Variants in CNGA3 observed in about 807,000 individuals in gnomAD.
CNGA3 encodes the protein cyclic nucleotide gated channel subunit alpha 3, also known as cyclic nucleotide-gated channel alpha-3.
CNGA3 carries 42 observed loss-of-function variants against 46.6 expected under a neutral mutation model. That is an observed-to-expected ratio of 0.90 (90% confidence interval 0.70 to 1.17). The LOEUF (loss-of-function observed/expected upper bound fraction) is 1.17, where lower values mean the gene tolerates loss of function less well. Ranked by LOEUF, CNGA3 falls within the 50% of genes most tolerant of loss-of-function variation. CNGA3 has a pLI of 0.00. For missense variants in CNGA3, 893 were observed against 890.7 expected (o/e 1.00, Z -0.03); for synonymous variants, 394 against 369.4 (o/e 1.07, Z -0.76).
chr2:98,359,582 C>T (rs1691976076), intron 1 of CNGA3, among the ~76,000 whole-genome samples: 1 of 152,180 alleles, frequency 6.6e-6, no homozygotes, highest in Admixed American at 6.5e-5. Flanking sequence ...TACTCAGGCC[C>T]CTTGGAGTTG....
At chr2:98,395,252 C>A in intron 7 of CNGA3, among the ~76,000 whole-genome samples, 1 of 152,152 alleles carries the variant, frequency 6.6e-6, no homozygotes, top group Admixed American at 6.5e-5. Flanking sequence ...TCATTGCACC[C>A]TCCACCTCCT....
chr2:98,356,243 G>A (rs1691877312), intron 1 of CNGA3, among the ~76,000 whole-genome samples: 1 of 152,222 alleles, frequency 6.6e-6, no homozygotes, highest in African/African-American at 2.4e-5. Flanking sequence ...AGCCTGCCCA[G>A]CCTCACATTT....
chr2:98,381,520 G>C (rs1692537314), intron 4 of CNGA3, among the ~76,000 whole-genome samples: 1 of 152,058 alleles, frequency 6.6e-6, no homozygotes, highest in South Asian at 2.1e-4. Flanking sequence ...TATTTGTATG[G>C]GGAGTGGCAG....
chr2:98,378,267 T>G, intron 3 of CNGA3: 1 of 1,514,562 alleles, frequency 6.6e-7, no homozygotes, highest in Non-Finnish European at 8.9e-7. Context: ...TTAGTGAGAC[T>G]CCAAGCTCTG....
intron 1 of CNGA3, among the ~76,000 whole-genome samples, chr2:98,363,216 G>A (rs1331806336): frequency 1.3e-5 from 2 of 152,172 alleles, no homozygotes; most frequent in African/African-American, 4.8e-5. Context: ...AATGGGAATA[G>A]CATTGAATCT....
At chr2:98,377,625 C>A in intron 2 of CNGA3, 62 bp from the exon 3 acceptor site, 2 of 1,438,940 alleles carry the variant, frequency 1.4e-6, no homozygotes, top group Non-Finnish European at 9.6e-7. Flanking sequence ...TCACTCCTGG[C>A]TGTGTCCAGG....
chr2:98,389,572 C>A (rs1692735329), intron 5 of CNGA3, 86 bp from the exon 6 acceptor site: 2 of 1,187,028 alleles, frequency 1.7e-6, no homozygotes, highest in Non-Finnish European at 2.5e-6. Context: ...TGGGCTTCAG[C>A]CTGAAATTGC....
intron 1 of CNGA3, among the ~76,000 whole-genome samples, chr2:98,358,076 A>G (rs139004367): frequency 6.6e-6 from 1 of 152,338 alleles, no homozygotes; most frequent in African/African-American, 2.4e-5. Flanking sequence ...GGCAGCTTTC[A>G]TTGTCCACAG....
intron 7 of CNGA3, 139 bp from the exon 8 acceptor site, chr2:98,395,701 GGTAA>G (rs879325268): frequency 4.7e-5 from 33 of 699,658 alleles, no homozygotes; most frequent in Non-Finnish European, 6.9e-5. Context: ...CTGTAGTAAT[GGTAA>G]GTGTTGTTTT....
rs1170772553 is a variant in CNGA3, at chr2:98,396,601, G to A, written c.1431G>A (p.Leu477=). The A allele has an allele frequency of 3.1e-6, 5 of 1,613,946 alleles. No homozygotes were observed. The highest frequency in any genetic ancestry group is 4.2e-6 in the Non-Finnish European group (5 of 1,179,976). ...EIAINVHLDT[L]KKVRIFQDCE... The stretch of plus-strand genomic sequence containing the variant: ...CCATCAACGTGCACCTGGACACGCT[G>A]AAGAAGGTTCGCATCTTCCAGGACT... The change falls in exon 8 of 8, where the codon CTG becomes CTA. Residue 477 remains leucine, a synonymous_variant. Transcript: ENST00000272602.
chr2:98,385,054 T>C (rs541374217), intron 5 of CNGA3, among the ~76,000 whole-genome samples: 1 of 152,214 alleles, frequency 6.6e-6, no homozygotes, highest in Non-Finnish European at 1.5e-5. Flanking sequence ...CATTTTGCAG[T>C]TCTGTGTAGG....
chr2:98,360,780 C>A (rs1692013866), intron 1 of CNGA3, among the ~76,000 whole-genome samples: 1 of 152,132 alleles, frequency 6.6e-6, no homozygotes, highest in Non-Finnish European at 1.5e-5. Flanking sequence ...GGCTTCTGGA[C>A]CTCACACGTT....
chr2:98,364,724 T>C (rs759668813), intron 1 of CNGA3, among the ~76,000 whole-genome samples: 1 of 152,210 alleles, frequency 6.6e-6, no homozygotes, highest in African/African-American at 2.4e-5. Context: ...GGTCTTTGTA[T>C]TTCAGTCTGT....
At chr2:98,361,021 A>AT (rs1351760695) in intron 1 of CNGA3, among the ~76,000 whole-genome samples, 1 of 107,144 alleles carries the variant, frequency 9.3e-6, no homozygotes, top group East Asian at 1.9e-4. Flanking sequence ...ATTTTATTTT[A>AT]TTTATTTTAT....
intron 3 of CNGA3, among the ~76,000 whole-genome samples, chr2:98,378,732 T>C (rs1039617147): frequency 2.0e-5 from 3 of 152,194 alleles, no homozygotes; most frequent in Non-Finnish European, 4.4e-5. Context: ...TTAAATCAGC[T>C]CTGTAGGGCT....
At position 98,353,715 on chromosome 2, in the gene CNGA3, T is replaced by A. The variant is rs375947037; in HGVS notation, c.-38+7181T>A. 1.1e-3 allele frequency among the ~76,000 whole-genome samples: 168 copies of A among 152,316 alleles called. 1 individual carries two copies. Among genetic ancestry groups the A allele is most frequent in the African/African-American group, 3.9e-3 (162 of 41,564 alleles). On this transcript the variant is annotated intron_variant, in intron 1 of 7. Transcript: ENST00000272602. ...AAAGAAATACCTGAGAACTTGGTAA[T>A]TTATAAAGAAAAGAGGTTTACTCAG...
Position 98,380,156 on chromosome 2 carries a change from T to C in CNGA3, c.216-19T>C. On this transcript the variant is annotated intron_variant, in intron 3 of 7. Coordinates refer to ENST00000272602, the MANE Select transcript of CNGA3 (RefSeq NM_001298.3). Reference sequence around the variant, plus strand: ...GGCTTTTCCTCTCCCTCTGGCTCAGTGCTTGTGTCACCTTCCAGGCTGTCG... The same window carrying C: ...GGCTTTTCCTCTCCCTCTGGCTCAGCGCTTGTGTCACCTTCCAGGCTGTCG... The C allele has an allele frequency of 6.2e-7, 1 of 1,613,788 alleles. No homozygotes were observed. Among genetic ancestry groups the C allele is most frequent in the Non-Finnish European group, 8.5e-7 (1 of 1,180,040 alleles).
chr2:98,366,371 C>T (rs1692151364), intron 1 of CNGA3, among the ~76,000 whole-genome samples: 1 of 152,236 alleles, frequency 6.6e-6, no homozygotes, highest in Non-Finnish European at 1.5e-5. Context: ...CTCACCCAGT[C>T]AGGAAGCACA....
intron 1 of CNGA3, among the ~76,000 whole-genome samples, chr2:98,348,579 C>T (rs1691698134): frequency 6.6e-6 from 1 of 152,210 alleles, no homozygotes; most frequent in Non-Finnish European, 1.5e-5. Flanking sequence ...TCCCTCATTC[C>T]CACAGCGTCC....
Sources: gnomAD v4.1 joint callset for allele counts (sites outside exome capture counted in the v4.1 genomes callset) on GRCh38, gnomAD v4.1.1 for gene constraint, MANE v1.5 for transcripts, NCBI Gene and HGNC (gene_info 2026-07-23, HGNC 2026-07-21) for gene names.